The following ADIPOR1 variants were observed in gnomAD, a reference collection of about 807,000 sequenced individuals.
The protein encoded by ADIPOR1 is adiponectin receptor protein 1.
ADIPOR1 carries 15 observed loss-of-function variants against 37.5 expected under a neutral mutation model. The observed-to-expected ratio is 0.40, with a 90% confidence interval of 0.27 to 0.62. ADIPOR1 has a LOEUF of 0.62. Among genes scored for constraint, ADIPOR1 ranks in the 20% least tolerant of loss-of-function variants. ADIPOR1 has a pLI of 0.42. For missense variants in ADIPOR1, 286 were observed against 478.0 expected (o/e 0.60, Z 3.75); for synonymous variants, 173 against 173.2 (o/e 1.00, Z 0.01).
chr1:202,948,884 C>T (rs191581279), intron 2 of ADIPOR1, among the ~76,000 whole-genome samples: 3 of 151,928 alleles, frequency 2.0e-5, no homozygotes, highest in East Asian at 3.9e-4. Context: ...CTCCGCCTCC[C>T]GGGTTCAAGC....
intron 1 of ADIPOR1, among the ~76,000 whole-genome samples, 169 bp downstream of exon 1, chr1:202,958,016 G>A (rs1322477686): frequency 1.3e-5 from 2 of 152,186 alleles, no homozygotes; most frequent in Non-Finnish European, 2.9e-5. Context: ...CAACCTGACC[G>A]GCTGGATGCC....
At chr1:202,941,963 G>A in intron 7 of ADIPOR1, 62 bp downstream of exon 7, 1 of 1,516,332 alleles carries the variant, frequency 6.6e-7, no homozygotes, top group Non-Finnish European at 8.9e-7. Context: ...CTTTTCCTCA[G>A]CCCTTTAACT....
At chr1:202,947,458 G>A (rs986258776) in intron 3 of ADIPOR1, among the ~76,000 whole-genome samples, 1 of 152,110 alleles carries the variant, frequency 6.6e-6, no homozygotes, top group Admixed American at 6.5e-5. Flanking sequence ...GCAGGCAGAG[G>A]TTGCAGTGAG....
In ADIPOR1 at chr1:202,957,880, C is replaced by G. The variant is rs190946765; in HGVS notation, c.-95+305G>C. On this transcript the variant is annotated intron_variant, in intron 1 of 7. Coordinates refer to ENST00000340990, the MANE Select transcript of ADIPOR1 (RefSeq NM_015999.6). ...GATCTGGGGAACCCATGCATCTCCA[C>G]CCCGTGGGGCTAAAGGCGCAGCACT... is the stretch of plus-strand genomic sequence containing the variant. 2.1e-4 allele frequency among the ~76,000 whole-genome samples: 32 copies of G among 152,350 alleles called. No individual in the cohort carries two copies. In the East Asian group the frequency reaches 5.6e-3, roughly 27 times the overall value.
At chr1:202,947,044 G>C (rs185100736) in intron 3 of ADIPOR1, among the ~76,000 whole-genome samples, 1 of 151,274 alleles carries the variant, frequency 6.6e-6, no homozygotes, top group South Asian at 2.1e-4. Context: ...TGAACCTGGC[G>C]GGCGGGGGTT....
rs1463174138 is a variant in ADIPOR1, at chr1:202,950,949, A to G, written c.122T>C (p.Val41Ala). The G allele has an allele frequency of 6.2e-7, 1 of 1,614,136 alleles. No individual in the cohort carries two copies. Among genetic ancestry groups the G allele is most frequent in the East Asian group, 2.2e-5 (1 of 44,882 alleles). The stretch of plus-strand genomic sequence containing the variant: ...ACTTACTTTGGGTGGGTTGGCGATT[A>G]CCCGTTTGCCCTTCTCTTCTAGCAG... Reference protein sequence around the residue: ...GPLLEEKGKRVIANPPKAEEE... With the variant: ...GPLLEEKGKRAIANPPKAEEE... Residue 41 changes from valine to alanine, a missense_variant, in exon 2 of 8, where the codon GTA (valine) becomes GCA (alanine). By Grantham distance (64) the Val-to-Ala change is moderately conservative (BLOSUM62 0). Transcript: ENST00000340990.
At chr1:202,947,363 A>G (rs1654375496) in intron 3 of ADIPOR1, among the ~76,000 whole-genome samples, 1 of 151,798 alleles carries the variant, frequency 6.6e-6, no homozygotes, top group African/African-American at 2.4e-5. Context: ...CTCTACTAAA[A>G]ATACAAAAAT....
At chr1:202,955,838 C>T (rs1654762869) in intron 1 of ADIPOR1, among the ~76,000 whole-genome samples, 1 of 152,196 alleles carries the variant, frequency 6.6e-6, no homozygotes, top group Non-Finnish European at 1.5e-5. Flanking sequence ...AGTGCAGTGG[C>T]ATGATCTGCT....
At chr1:202,949,636 CTT>C (rs1325122592) in intron 2 of ADIPOR1, among the ~76,000 whole-genome samples, 3 of 148,256 alleles carry the variant, frequency 2.0e-5, no homozygotes, top group South Asian at 4.3e-4. Context: ...AGGGAGAGAA[CTT>C]TCTCTCTCTC....
In ADIPOR1 at chr1:202,941,406, T is replaced by C; in HGVS notation, c.*167A>G. The C allele has an allele frequency of 8.0e-6, 6 of 750,178 alleles. No homozygotes were observed. 46.5% of individuals were successfully genotyped at this position (750,178 alleles called of 1,614,324 possible). On this transcript the variant is annotated 3_prime_UTR_variant, in exon 8 of 8. Coordinates refer to ENST00000340990, the MANE Select transcript of ADIPOR1 (RefSeq NM_015999.6). Reference sequence around the variant, plus strand: ...CAGCTAGGAGAATGGAAATGGAAAGTTTATTGCCCAGTGGGTGTGAAAGTG... The same window carrying C: ...CAGCTAGGAGAATGGAAATGGAAAGCTTATTGCCCAGTGGGTGTGAAAGTG...
intron 2 of ADIPOR1, among the ~76,000 whole-genome samples, chr1:202,950,394 C>T (rs1331556459): frequency 2.0e-5 from 3 of 151,994 alleles, no homozygotes; most frequent in African/African-American, 7.2e-5. Context: ...GGCAACATGG[C>T]GAGATCTTAT....
intron 1 of ADIPOR1, among the ~76,000 whole-genome samples, chr1:202,955,823 G>T (rs1038915506): frequency 2.0e-5 from 3 of 152,150 alleles, no homozygotes; most frequent in African/African-American, 7.2e-5. Flanking sequence ...TATCCCCCAG[G>T]GTGGAGTGCA....
chr1:202,953,878 A>G (rs1654677510), intron 1 of ADIPOR1, among the ~76,000 whole-genome samples: 1 of 152,214 alleles, frequency 6.6e-6, no homozygotes, highest in African/African-American at 2.4e-5. Context: ...TTTGAGTGCT[A>G]TGTAACTATT....
chr1:202,954,334 G>A (rs909978279), intron 1 of ADIPOR1: 1 of 152,242 alleles, frequency 6.6e-6, no homozygotes. Flanking sequence ...ACAGGAAAGG[G>A]AGAGATAGGG....
At chr1:202,956,237 T>C (rs552611154) in intron 1 of ADIPOR1, among the ~76,000 whole-genome samples, 190 of 152,300 alleles carry the variant, frequency 1.2e-3, no homozygotes, top group Non-Finnish European at 2.1e-3. Flanking sequence ...CGTCTAGATA[T>C]AAAGACGACT....
At chr1:202,943,545 T>C (rs2102482022) in intron 6 of ADIPOR1, among the ~76,000 whole-genome samples, 1 of 152,288 alleles carries the variant, frequency 6.6e-6, no homozygotes, top group African/African-American at 2.4e-5. Context: ...ACCAGCTGGG[T>C]AATGATCTGT....
intron 1 of ADIPOR1, among the ~76,000 whole-genome samples, chr1:202,957,702 T>C (rs534032236): frequency 3.9e-4 from 60 of 152,288 alleles, no homozygotes; most frequent in African/African-American, 1.4e-3. Context: ...GGACTTGACC[T>C]GCCAAAGATT....
rs959873223 is a variant in ADIPOR1 at position 202,943,605 on chromosome 1, G to C, written c.805+153C>G. On this transcript the variant is annotated intron_variant, in intron 6 of 7. Transcript: ENST00000340990. The stretch of plus-strand genomic sequence containing the variant: ...TATGACACTGGGGGTTGAGAACTGA[G>C]CTTTGAAATTGATGCTGTTTTGAAA... 6.6e-5 allele frequency among the ~76,000 whole-genome samples: 10 copies of C among 152,198 alleles called. 1 individual carries two copies. The South Asian group carries it at 2.1e-3, about 31-fold the overall frequency.
At chr1:202,947,470 T>G (rs1217497622) in intron 3 of ADIPOR1, among the ~76,000 whole-genome samples, 1 of 152,138 alleles carries the variant, frequency 6.6e-6, no homozygotes, top group South Asian at 2.1e-4. Context: ...TGCAGTGAGC[T>G]GAGATCGTGC....
Sources: gnomAD v4.1 joint callset for allele counts (sites outside exome capture counted in the v4.1 genomes callset) on GRCh38, gnomAD v4.1.1 for gene constraint, MANE v1.5 for transcripts, NCBI Gene and HGNC (gene_info 2026-07-23, HGNC 2026-07-21) for gene names.